The following SYCP2 variants were observed in gnomAD, a reference collection of about 807,000 sequenced individuals.
SYCP2 encodes the protein synaptonemal complex lateral element protein.
In SYCP2, 55 loss-of-function variants were observed where a neutral mutation model predicts 211.3. The ratio of observed to expected loss-of-function variants is 0.26; its 90% CI spans 0.21 to 0.33. The LOEUF (loss-of-function observed/expected upper bound fraction) is 0.33. Ranked by LOEUF, SYCP2 falls within the 10% of genes least tolerant of loss-of-function variation. The probability of loss-of-function intolerance (pLI) is 1.00; values close to 1 mark genes in which losing one functional copy is unlikely to be tolerated. For synonymous variants in SYCP2, 570 were observed against 555.2 expected (o/e 1.03, Z -0.37); for missense variants, 1,731 against 1,752.0 (o/e 0.99, Z 0.21).
rs551825468 is a variant in SYCP2, at chr20:59,898,718, C to CA, written c.1404+1419dup. On this transcript the variant is annotated intron_variant, in intron 18 of 44. Transcript: ENST00000357552. ...CAGAACTTAAATAAAAGACTTCCTACAAAAAAAAGATATGTAAAATGTTTT... is the reference window on the plus strand; with the variant it reads ...CAGAACTTAAATAAAAGACTTCCTACAAAAAAAAAGATATGTAAAATGTTTT... Among the ~76,000 whole-genome samples the CA allele has an allele frequency of 5.1e-3, 767 of 149,536 alleles. 3 individuals are homozygous for CA. Among genetic ancestry groups the CA allele is most frequent in the Admixed American group, 9.6e-3 (144 of 15,052 alleles).
At chr20:59,881,566 A>C in intron 28 of SYCP2, 74 bp from the exon 29 acceptor site, 1 of 738,808 alleles carries the variant, frequency 1.4e-6, no homozygotes, top group Non-Finnish European at 2.1e-6. Flanking sequence ...TAAACATAAA[A>C]TCTAGTTTTG....
Position 59,863,879 on chromosome 20 carries a change from T to TCC in SYCP2, c.*430_*431dup, listed in dbSNP as rs1002064935. 6.6e-6 allele frequency: 1 copy of TCC among 152,352 alleles called. No homozygotes were observed. Among genetic ancestry groups the TCC allele is most frequent in the Admixed American group, 6.6e-5 (1 of 15,238 alleles). 9.4% of individuals were successfully genotyped at this position (152,352 alleles called of 1,614,324 possible). A position where few individuals can be genotyped will look rare whatever the true frequency, so the allele number is the denominator to read the frequency against. On this transcript the variant is annotated 3_prime_UTR_variant, in exon 45 of 45. Coordinates refer to ENST00000357552, the MANE Select transcript of SYCP2 (RefSeq NM_014258.4). ...TATACATTTTAAACTAGGGACTTCC[T>TCC]CCCCCTTGTAAGTGTGGCTAAATTT...
rs1568916271 is a variant in SYCP2, at chr20:59,876,409, A to AAAG, written c.3151-943_3151-941dup. ...AAAAAAAAAAAAAAAAAAAAAAAAA[A>AAAG]AAGAAGAAGTGATAGAAAATGTAGA... On this transcript the variant is annotated intron_variant, in intron 33 of 44. Transcript: ENST00000357552. Among the ~76,000 whole-genome samples, 209 of 142,430 alleles carry AAAG rather than the reference A, an allele frequency of 1.5e-3. 1 individual carries two copies. The highest frequency in any genetic ancestry group is 4.1e-3 in the African/African-American group (158 of 38,812). 93.4% of individuals were successfully genotyped at this position (142,430 alleles called of 152,430 possible). A position where few individuals can be genotyped will look rare whatever the true frequency, so the allele number is the denominator to read the frequency against.
rs954781244 is a variant in SYCP2 at position 59,916,578 on chromosome 20, A to G, written c.428-7T>C. On this transcript the variant is annotated splice_region_variant and splice_polypyrimidine_tract_variant and intron_variant, in intron 7 of 44. Coordinates refer to ENST00000357552, the MANE Select transcript of SYCP2 (RefSeq NM_014258.4). ...TCCACTACTTGTTTTTTACCTGAAT[A>G]AAAGTGTTAAATTATTGATAAATGT... The G allele has an allele frequency of 3.0e-5, 47 of 1,546,860 alleles. No homozygotes were observed. The highest frequency in any genetic ancestry group is 4.2e-5 in the Non-Finnish European group (47 of 1,119,108).
At chr20:59,899,558 A>G (rs1210598772) in intron 18 of SYCP2, among the ~76,000 whole-genome samples, 1 of 152,194 alleles carries the variant, frequency 6.6e-6, no homozygotes, top group African/African-American at 2.4e-5. Flanking sequence ...ACCAAGAGGT[A>G]TGGAGAGAAA....
Position 59,880,245 on chromosome 20 carries a change from A to G in SYCP2, c.2941+58T>C, listed in dbSNP as rs958234264. The G allele has an allele frequency of 1.6e-5, 22 of 1,373,104 alleles. No homozygotes were observed. The Admixed American group carries it at 4.0e-4, about 25-fold the overall frequency. The allele number at this position is 1,373,104 out of a possible 1,614,324, so 85.1% of individuals were successfully genotyped here. ...AATAAGCTTATATAAAGCATTTTCA[A>G]TAATTGAAATAAACTGCAAAATCAT... On this transcript the variant is annotated intron_variant, in intron 31 of 44. Transcript: ENST00000357552.
Position 59,873,843 on chromosome 20 carries a change from T to C in SYCP2, c.3555+13A>G, listed in dbSNP as rs766114643. 12 of 1,591,818 alleles carry C rather than the reference T, an allele frequency of 7.5e-6. No individual in the cohort carries two copies. The highest frequency in any genetic ancestry group is 1.7e-6 in the Non-Finnish European group (2 of 1,169,526). On this transcript the variant is annotated intron_variant, in intron 35 of 44. Coordinates refer to ENST00000357552, the MANE Select transcript of SYCP2 (RefSeq NM_014258.4). ...TATATCTGATAAAGAGAAAAATATA[T>C]ATACATTCTCACCAAAAACAGTGGT...
rs539121005 is a variant in SYCP2, at chr20:59,878,481, G to C, written c.2942-436C>G. Among the ~76,000 whole-genome samples the C allele has an allele frequency of 2.6e-5, 4 of 152,176 alleles. No homozygotes were observed. The South Asian group carries it at 8.3e-4, about 32-fold the overall frequency. Reference sequence around the variant, plus strand: ...TATAGAACTTTTTAAACATATAAGAGAATATGTCAGCATAAGTTAAAAAGT... The same window carrying C: ...TATAGAACTTTTTAAACATATAAGACAATATGTCAGCATAAGTTAAAAAGT... On this transcript the variant is annotated intron_variant, in intron 31 of 44. Coordinates refer to ENST00000357552, the MANE Select transcript of SYCP2 (RefSeq NM_014258.4).
rs745583922 is a variant in SYCP2, at chr20:59,907,457, AATTT to A, written c.973-37_973-34del. On this transcript the variant is annotated intron_variant, in intron 14 of 44. Transcript: ENST00000357552. Reference sequence around the variant, plus strand: ...TTAAAAGCAGGTTTTGGCCATAAATAATTTATTTCTGATTTACAGTTTCTTTAAA... The same window carrying A: ...TTAAAAGCAGGTTTTGGCCATAAATAATTTCTGATTTACAGTTTCTTTAAA... 1.2e-5 allele frequency: 19 copies of A among 1,555,652 alleles called. No individual in the cohort carries two copies. In the South Asian group the frequency reaches 2.1e-4, roughly 17 times the overall value.
chr20:59,926,007 G>A (rs971061629), intron 2 of SYCP2, among the ~76,000 whole-genome samples: 6 of 151,930 alleles, frequency 3.9e-5, no homozygotes, highest in African/African-American at 1.2e-4. Flanking sequence ...CCACCTCCTA[G>A]TATTAAGGAA....
intron 41 of SYCP2, 23 bp from the exon 42 acceptor site, chr20:59,865,888 ATTTAGTCCTAAATAT>A (rs1568897454): frequency 4.7e-6 from 5 of 1,075,106 alleles, no homozygotes; most frequent in Admixed American, 2.5e-5. Context: ...ATAAAATTTT[ATTTAGTCCTAAATAT>A]TTTAGTCCTA....
At chr20:59,908,865 T>C (rs1350267328) in intron 14 of SYCP2, among the ~76,000 whole-genome samples, 6 of 152,162 alleles carry the variant, frequency 3.9e-5, no homozygotes, top group Non-Finnish European at 5.9e-5. Flanking sequence ...ATCCTTAATA[T>C]ACCCAAAAAA....
At chr20:59,909,516 C>T (rs2060275732) in intron 14 of SYCP2, among the ~76,000 whole-genome samples, 1 of 152,166 alleles carries the variant, frequency 6.6e-6, no homozygotes, top group Non-Finnish European at 1.5e-5. Context: ...CTATTTTTAT[C>T]CATTTCCCCT....
Position 59,895,295 on chromosome 20 carries a change from A to T in SYCP2, c.1665+142T>A, listed in dbSNP as rs1052340403. The T allele has an allele frequency of 2.1e-5, 13 of 633,428 alleles. No homozygotes were observed. In the African/African-American group the frequency reaches 2.5e-4, roughly 12 times the overall value. 39.2% of individuals were successfully genotyped at this position (633,428 alleles called of 1,614,324 possible). On this transcript the variant is annotated intron_variant, in intron 20 of 44. Coordinates refer to ENST00000357552, the MANE Select transcript of SYCP2 (RefSeq NM_014258.4). ...CATATGCCAGAAGGACCCTACTTTC[A>T]AGGGCAATAAATATTTAGGGGAAAA...
chr20:59,925,173 C>G (rs2060611344), intron 2 of SYCP2, among the ~76,000 whole-genome samples: 1 of 151,978 alleles, frequency 6.6e-6, no homozygotes, highest in African/African-American at 2.4e-5. Context: ...TCAATGAGAA[C>G]ACATGGATAC....
At chr20:59,919,298 A>G (rs2060497127) in intron 6 of SYCP2, 116 bp from the exon 7 acceptor site, 1 of 688,470 alleles carries the variant, frequency 1.5e-6, no homozygotes, top group Non-Finnish European at 2.5e-6. Context: ...AACTCAGAGC[A>G]TAATTACTTT....
At chr20:59,912,116 G>A in intron 13 of SYCP2, 1 of 417,088 alleles carries the variant, frequency 2.4e-6, no homozygotes, top group Non-Finnish European at 4.3e-6. Context: ...ATTCATACAT[G>A]ATAAATCAAT....
At chr20:59,876,325 G>GAC (rs2059553480) in intron 33 of SYCP2, among the ~76,000 whole-genome samples, 2 of 118,770 alleles carry the variant, frequency 1.7e-5, no homozygotes, top group Non-Finnish European at 3.3e-5. Context: ...GAACCAAGAT[G>GAC]ACACCACTGC....
chr20:59,876,369 CAAAA>C (rs765782164), intron 33 of SYCP2, among the ~76,000 whole-genome samples: 8 of 23,072 alleles, frequency 3.5e-4, no homozygotes, highest in Admixed American at 8.4e-4. Context: ...GGCTGTGTCT[CAAAA>C]AAAAAAAAAA....
Sources: allele counts gnomAD v4.1 joint callset (sites outside exome capture counted in the v4.1 genomes callset), GRCh38; gene constraint gnomAD v4.1.1; transcripts MANE v1.5; gene names NCBI Gene and HGNC (gene_info 2026-07-23, HGNC 2026-07-21).